Variants in ITSN2 observed in about 807,000 individuals in gnomAD.
ITSN2 encodes the protein intersectin 2.
In ITSN2, 156 loss-of-function variants were observed where a neutral mutation model predicts 243.7. That is an observed-to-expected ratio of 0.64 (90% CI 0.56 to 0.73). The LOEUF (loss-of-function observed/expected upper bound fraction) is 0.73. ITSN2 is among the 30% of genes least tolerant of loss of function. ITSN2 has a pLI of 0.00. For missense variants in ITSN2, 1,801 were observed against 1,996.1 expected (o/e 0.90, Z 1.86); for synonymous variants, 703 against 699.9 (o/e 1.00, Z -0.07).
intron 2 of ITSN2, among the ~76,000 whole-genome samples, chr2:24,327,418 C>A (rs1245716255): frequency 6.6e-6 from 1 of 151,934 alleles, no homozygotes; most frequent in East Asian, 1.9e-4. Flanking sequence ...CCTGCCTCAA[C>A]CTCCCAAGCA....
intron 1 of ITSN2, among the ~76,000 whole-genome samples, chr2:24,328,384 A>G (rs573348412): frequency 6.6e-6 from 1 of 152,352 alleles, no homozygotes; most frequent in Admixed American, 6.5e-5. Flanking sequence ...ATGAACCAAC[A>G]TTCTTGTAGA....
intron 29 of ITSN2, chr2:24,238,885 AAAGT>A (rs1465216247): frequency 1.3e-5 from 2 of 152,218 alleles, no homozygotes; most frequent in African/African-American, 4.8e-5. Context: ...AAAACAATTA[AAAGT>A]AAGTTTTAAA....
At chr2:24,302,582 C>T (rs1681917544) in intron 9 of ITSN2, among the ~76,000 whole-genome samples, 2 of 152,054 alleles carry the variant, frequency 1.3e-5, no homozygotes, top group South Asian at 2.1e-4. Context: ...CGTACATTTA[C>T]GTAACTCACT....
rs1668656647 is a variant in ITSN2 at position 24,204,637 on chromosome 2, C to T, written c.4763-219G>A. ...ATTAACTGGGGAGTGGCCGAGAGCT[C>T]CACCGCCAGGACCACTCCGCACGGA... On this transcript the variant is annotated intron_variant, in intron 38 of 39. Coordinates refer to ENST00000355123, the MANE Select transcript of ITSN2 (RefSeq NM_006277.3). This position sits in a 1 kb window ranked among gnomAD's most constrained non-coding sequence, Gnocchi z 5.1. 6.2e-6 allele frequency: 4 copies of T among 645,654 alleles called. No individual in the cohort carries two copies. The highest frequency in any genetic ancestry group is 1.1e-5 in the Non-Finnish European group (4 of 348,924). 40.0% of individuals were successfully genotyped at this position (645,654 alleles called of 1,614,324 possible).
intron 1 of ITSN2, among the ~76,000 whole-genome samples, chr2:24,348,186 T>C (rs1488324666): frequency 7.7e-6 from 1 of 130,282 alleles, no homozygotes; most frequent in Non-Finnish European, 1.6e-5. Flanking sequence ...TTTCAAATAC[T>C]ATGATTTTTT....
intron 1 of ITSN2, among the ~76,000 whole-genome samples, chr2:24,347,143 G>A (rs1421573941): frequency 1.3e-5 from 2 of 151,968 alleles, no homozygotes; most frequent in East Asian, 1.9e-4. Flanking sequence ...GATTACAGGC[G>A]TGAGCCACCG....
rs746306995 is a variant in ITSN2, at chr2:24,220,960, A to G, written c.3684T>C (p.Leu1228=). The change falls in exon 30 of 40, where the codon CTT becomes CTC. Residue 1228 remains leucine (L), a synonymous_variant. Coordinates refer to ENST00000355123, the MANE Select transcript of ITSN2 (RefSeq NM_006277.3). ...GCCTCCTCACCTCGACGACGAGCTG[A>G]AGGTCAGCCATGTACCGCTCTTCGG... ...IQTEERYMAD[L]QLVVEVFQKR... The G allele has an allele frequency of 1.9e-6, 3 of 1,598,478 alleles. No homozygotes were observed. Among genetic ancestry groups the G allele is most frequent in the Non-Finnish European group, 2.6e-6 (3 of 1,173,508 alleles).
intron 18 of ITSN2, among the ~76,000 whole-genome samples, chr2:24,272,359 C>A (rs1677470830): frequency 6.6e-6 from 1 of 150,664 alleles, no homozygotes; most frequent in Non-Finnish European, 1.5e-5. Context: ...CCTATCTAAT[C>A]TTTGTTTCAG....
At chr2:24,234,096 A>T (rs1214779995) in intron 29 of ITSN2, among the ~76,000 whole-genome samples, 1 of 152,206 alleles carries the variant, frequency 6.6e-6, no homozygotes, top group Non-Finnish European at 1.5e-5. Flanking sequence ...AAGCTGCAGT[A>T]ATCAAGCCAG....
Position 24,208,227 on chromosome 2 carries a change from A to C in ITSN2, c.4678+10T>G. ...GGGGGCTGCGTCCCACCCTCCGGGCACCCTGATACCTTGGTAAGCTTTCTC... is the reference window on the plus strand; with the variant it reads ...GGGGGCTGCGTCCCACCCTCCGGGCCCCCTGATACCTTGGTAAGCTTTCTC... On this transcript the variant is annotated intron_variant, in intron 37 of 39. Transcript: ENST00000355123. 1 of 1,609,404 alleles carries C rather than the reference A, an allele frequency of 6.2e-7. No homozygotes were observed.
intron 17 of ITSN2, among the ~76,000 whole-genome samples, chr2:24,278,856 T>A (rs1304105425): frequency 6.6e-6 from 1 of 152,064 alleles, no homozygotes; most frequent in Non-Finnish European, 1.5e-5. Context: ...TTTACCATGT[T>A]GGCCAGGCTG....
intron 1 of ITSN2, among the ~76,000 whole-genome samples, chr2:24,350,702 G>A (rs1687942508): frequency 6.6e-6 from 1 of 152,188 alleles, no homozygotes; most frequent in Non-Finnish European, 1.5e-5. Context: ...CTATAACATT[G>A]ATGAATCTTG....
chr2:24,346,738 G>T (rs1457237406), intron 1 of ITSN2, among the ~76,000 whole-genome samples: 1 of 151,868 alleles, frequency 6.6e-6, no homozygotes, highest in Non-Finnish European at 1.5e-5. Context: ...TAAAAAATAA[G>T]CCTATCAATT....
chr2:24,292,358 C>T (rs1680366301), intron 15 of ITSN2, among the ~76,000 whole-genome samples: 1 of 152,206 alleles, frequency 6.6e-6, no homozygotes. Flanking sequence ...TATATTTCTG[C>T]CACTGTGCAT....
At chr2:24,244,835 G>A (rs1056226225) in intron 29 of ITSN2, among the ~76,000 whole-genome samples, 1 of 152,250 alleles carries the variant, frequency 6.6e-6, no homozygotes, top group East Asian at 1.9e-4. Flanking sequence ...TTTATGTAAA[G>A]GGAAGGTTTC....
At position 24,238,327 on chromosome 2, in the gene ITSN2, T is replaced by C. The variant is rs955665741; in HGVS notation, c.3577+7802A>G. On this transcript the variant is annotated intron_variant, in intron 29 of 39. Coordinates refer to ENST00000355123, the MANE Select transcript of ITSN2 (RefSeq NM_006277.3). ...CACCTGCTTAGCCTTATGTAAACAC[T>C]TCATACATGTTAGTTGAATAAGTTT... 8.5e-5 allele frequency among the ~76,000 whole-genome samples: 13 copies of C among 152,276 alleles called. No individual in the cohort carries two copies. In the East Asian group the frequency reaches 2.3e-3, roughly 27 times the overall value.
chr2:24,339,522 T>C (rs1400765928), intron 1 of ITSN2, among the ~76,000 whole-genome samples: 1 of 151,018 alleles, frequency 6.6e-6, no homozygotes, highest in Non-Finnish European at 1.5e-5. Flanking sequence ...AGTCTTCAAA[T>C]TACGCTCCTT....
At chr2:24,248,099 T>TGA (rs892890749) in intron 27 of ITSN2, among the ~76,000 whole-genome samples, 2 of 151,996 alleles carry the variant, frequency 1.3e-5, no homozygotes, top group African/African-American at 4.8e-5. Context: ...ATAATAGAAG[T>TGA]GAGAGAAGAA....
chr2:24,334,487 C>T (rs1380347910), intron 1 of ITSN2: 1 of 673,598 alleles, frequency 1.5e-6, no homozygotes, highest in Non-Finnish European at 2.7e-6. Context: ...CAATTACTTT[C>T]CGTGCCAATA....
Sources: gnomAD v4.1 joint callset for allele counts (sites outside exome capture counted in the v4.1 genomes callset) on GRCh38, gnomAD v4.1.1 for gene constraint, Gnocchi (gnomAD v3.1) non-coding constraint, MANE v1.5 for transcripts, NCBI Gene and HGNC (gene_info 2026-07-23, HGNC 2026-07-21) for gene names.